The following SRP19 variants were observed in gnomAD, a reference collection of about 807,000 sequenced individuals.
SRP19 encodes signal recognition particle 19 kDa protein.
A neutral mutation model predicts 22.4 loss-of-function variants in SRP19; 11 were observed. That is an observed-to-expected ratio of 0.49 (90% confidence interval 0.31 to 0.81). The LOEUF (loss-of-function observed/expected upper bound fraction) is 0.81. Among genes scored for constraint, SRP19 ranks in the 40% least tolerant of loss-of-function variants. The pLI is 0.05. For synonymous variants in SRP19, 61 were observed against 57.6 expected (o/e 1.06, Z -0.27); for missense variants, 168 against 175.9 (o/e 0.96, Z 0.25).
intron 4 of SRP19, chr5:112,877,458 G>A (rs529208687): frequency 6.6e-6 from 1 of 152,230 alleles, no homozygotes; most frequent in South Asian, 2.1e-4. Context: ...TAACGATTTG[G>A]CAGATCAATG....
At position 112,861,335 on chromosome 5, in the gene SRP19, G is replaced by C. The variant is rs767288744; in HGVS notation, c.-42G>C. The stretch of plus-strand genomic sequence containing the variant: ...CGGGTTCCTCCCGGGTTTCTGCCGG[G>C]TTTCTCCCTGCGGCTCCTGGGTTGT... On this transcript the variant is annotated 5_prime_UTR_variant, in exon 1 of 5. Coordinates refer to ENST00000505459, the MANE Select transcript of SRP19 (RefSeq NM_003135.3). 3 of 1,613,540 alleles carry C rather than the reference G, an allele frequency of 1.9e-6. No individual in the cohort carries two copies. The highest frequency in any genetic ancestry group is 2.5e-6 in the Non-Finnish European group (3 of 1,179,624).
chr5:112,879,171 C>CTA (rs1391161012), intron 4 of SRP19, among the ~76,000 whole-genome samples: 2 of 152,120 alleles, frequency 1.3e-5, no homozygotes, highest in African/African-American at 2.4e-5. Context: ...TGTTCAAATT[C>CTA]TATTTGTATC....
chr5:112,883,218 G>C (rs1056800084), intron 4 of SRP19, among the ~76,000 whole-genome samples: 2 of 152,160 alleles, frequency 1.3e-5, no homozygotes, highest in African/African-American at 4.8e-5. Context: ...TTTCTCAAAA[G>C]AAAGATCTAT....
At position 112,861,348 on chromosome 5, in the gene SRP19, G is replaced by C; in HGVS notation, c.-29G>C. On this transcript the variant is annotated 5_prime_UTR_variant, in exon 1 of 5. Transcript: ENST00000505459. ...GGTTTCTGCCGGGTTTCTCCCTGCG[G>C]CTCCTGGGTTGTTGAGACTCTTGTG... 6.2e-7 allele frequency: 1 copy of C among 1,614,132 alleles called. No individual in the cohort carries two copies. The highest frequency in any genetic ancestry group is 1.1e-5 in the South Asian group (1 of 91,082).
intron 4 of SRP19, chr5:112,881,871 C>CGGAG (rs1448904591): frequency 1.3e-5 from 2 of 152,130 alleles, no homozygotes; most frequent in Admixed American, 1.3e-4. Flanking sequence ...CTCAGGTGAT[C>CGGAG]CTCCCATCTC....
At chr5:112,887,028 G>C in intron 4 of SRP19, 1 of 1,603,416 alleles carries the variant, frequency 6.2e-7, no homozygotes. Flanking sequence ...CTTTAGTGAT[G>C]GCATCTGCAG....
intron 4 of SRP19, chr5:112,882,040 G>A (rs35726351): frequency 0.4 from 61,815 of 153,162 alleles, 13,785 homozygotes; most frequent in African/African-American, 0.62. Context: ...TGGAAGTGCT[G>A]TGATTACAGG....
In SRP19 at chr5:112,864,622, A is replaced by G. The variant is rs1339443582; in HGVS notation, c.191A>G (p.Lys64Arg). Reference sequence around the variant, plus strand: ...TTTCTTTTGTTTCGTTTATGTTAGAAAAATAAAATGTACTCTAGAGAATGG... The same window carrying G: ...TTTCTTTTGTTTCGTTTATGTTAGAGAAATAAAATGTACTCTAGAGAATGG... ...SAVGLNVFLE[K>R]NKMYSREWNR... The change falls in exon 4 of 5, where the codon AAA (lysine) becomes AGA (arginine). Residue 64 changes from lysine to arginine, a missense_variant and splice_region_variant. Physicochemically the swap from Lys to Arg is conservative, Grantham distance 26. Coordinates refer to ENST00000505459, the MANE Select transcript of SRP19 (RefSeq NM_003135.3). 1 of 1,613,786 alleles carries G rather than the reference A, an allele frequency of 6.2e-7. No homozygotes were observed. Among genetic ancestry groups the G allele is most frequent in the African/African-American group, 1.3e-5 (1 of 74,890 alleles).
At chr5:112,863,567 G>C (rs1291545779) in intron 2 of SRP19, among the ~76,000 whole-genome samples, 2 of 152,178 alleles carry the variant, frequency 1.3e-5, no homozygotes, top group East Asian at 3.9e-4. Context: ...GGTAGGGGTA[G>C]GGAGGCTGAG....
chr5:112,897,451 A>C (rs77559717), downstream of SRP19: 2,623 of 152,280 alleles, frequency 0.017, 50 homozygotes, highest in Middle Eastern at 0.027. Context: ...TATCTCCCAG[A>C]TGTAGAACAG....
At chr5:112,890,222 C>T (rs908463028) in intron 4 of SRP19, among the ~76,000 whole-genome samples, 10 of 150,162 alleles carry the variant, frequency 6.7e-5, no homozygotes, top group South Asian at 6.3e-4. Flanking sequence ...CTTGGGAGGT[C>T]GAGACTGCAG....
At chr5:112,891,793 G>C in exon 5 of SRP19, 1 of 1,609,454 alleles carries the variant, frequency 6.2e-7, no homozygotes, top group Non-Finnish European at 8.5e-7. Flanking sequence ...CTCACAGGAG[G>C]AGGAAGAGGA....
chr5:112,861,421 G>T lies in SRP19; in HGVS notation c.41+4G>T. ...GGTCCCCGGCCGACCAGGACAGGTG[G>T]GTTCTGAGGCGGTGGGTCCTCCGAA... On this transcript the variant is annotated splice_donor_region_variant and intron_variant, in intron 1 of 4. Coordinates refer to ENST00000505459, the MANE Select transcript of SRP19 (RefSeq NM_003135.3). 1 of 1,612,626 alleles carries T rather than the reference G, an allele frequency of 6.2e-7. No individual in the cohort carries two copies. The highest frequency in any genetic ancestry group is 1.1e-5 in the South Asian group (1 of 90,998).
chr5:112,885,738 T>A, intron 4 of SRP19: 1 of 286,834 alleles, frequency 3.5e-6, no homozygotes, highest in South Asian at 4.5e-5. Flanking sequence ...TTGAAGCTAT[T>A]AATGAACTAA....
chr5:112,877,508 G>A (rs185142435), intron 4 of SRP19: 2 of 152,258 alleles, frequency 1.3e-5, no homozygotes, highest in Non-Finnish European at 2.9e-5. Flanking sequence ...TACTTACTAT[G>A]TAGTCATGTG....
intron 4 of SRP19, chr5:112,878,519 G>A (rs1767965217): frequency 2.2e-6 from 1 of 462,264 alleles, no homozygotes; most frequent in Non-Finnish European, 3.8e-6. Context: ...ATTTCCTGCA[G>A]GATAGCAACA....
rs545274326 is a variant in SRP19, at chr5:112,885,224, C to G, written c.302-6379C>G. 6 of 165,202 alleles carry G rather than the reference C, an allele frequency of 3.6e-5. No individual in the cohort carries two copies. In the South Asian group the frequency reaches 7.8e-4, roughly 21 times the overall value. 10.2% of individuals were successfully genotyped at this position (165,202 alleles called of 1,614,324 possible). On this transcript the variant is annotated intron_variant, in intron 4 of 4. Transcript: ENST00000391338. The stretch of plus-strand genomic sequence containing the variant: ...TGAGTGCTGTGGGGGTGGGGAGCCC[C>G]AAGGAGAAGGCACTGAGGAGGAAAA...
chr5:112,888,952 C>A (rs530070306), intron 4 of SRP19, among the ~76,000 whole-genome samples: 5 of 150,934 alleles, frequency 3.3e-5, no homozygotes, highest in Admixed American at 6.6e-5. Flanking sequence ...CCATACTGTT[C>A]TCATGGTAGT....
intron 4 of SRP19, chr5:112,877,240 T>G (rs1767925034): frequency 1.3e-5 from 2 of 152,230 alleles, no homozygotes; most frequent in Non-Finnish European, 2.9e-5. Context: ...TAATATTTTT[T>G]ACATCATGAG....
Sources: allele counts gnomAD v4.1 joint callset (sites outside exome capture counted in the v4.1 genomes callset), GRCh38; gene constraint gnomAD v4.1.1; transcripts MANE v1.5; gene names NCBI Gene and HGNC (gene_info 2026-07-23, HGNC 2026-07-21).